The following ARAP1 variants were observed in gnomAD, a reference collection of about 807,000 sequenced individuals.
ARAP1 encodes arf-GAP with Rho-GAP domain, ANK repeat and PH domain-containing protein 1.
Under a neutral mutation model 172.2 loss-of-function variants are expected in ARAP1, and 76 were observed. The observed-to-expected ratio is 0.44, with a 90% CI of 0.37 to 0.53. The LOEUF (loss-of-function observed/expected upper bound fraction) is 0.53, where lower values mean the gene tolerates loss of function less well. Ranked by LOEUF, ARAP1 falls within the 20% of genes least tolerant of loss-of-function variation. ARAP1 has a pLI of 0.00. For synonymous variants in ARAP1, 804 were observed against 803.3 expected, an observed-to-expected ratio of 1.00 and a Z score of -0.01; for missense variants, 1,686 against 1,977.5, an observed-to-expected ratio of 0.85 and a Z score of 2.80.
In ARAP1 at chr11:72,697,062, C is replaced by T. The variant is rs1239812666; in HGVS notation, c.3087G>A (p.Ser1029=). Residue 1029 remains serine (S), a synonymous_variant, in exon 22 of 35, where the codon TCG becomes TCA. Coordinates refer to ENST00000393609, the MANE Select transcript of ARAP1 (RefSeq NM_001040118.3). The part of the protein sequence containing the change: ...EGEQHVDDVS[S]ALKRFLRDLP... ...GGTCGCGCAGGAAGCGCTTGAGCGCCGAGGAAACATCATCCACGTGCTGCT... is the reference window on the plus strand; with the variant it reads ...GGTCGCGCAGGAAGCGCTTGAGCGCTGAGGAAACATCATCCACGTGCTGCT... The T allele has an allele frequency of 1.2e-6, 2 of 1,610,192 alleles. No homozygotes were observed. The highest frequency in any genetic ancestry group is 1.3e-5 in the African/African-American group (1 of 74,938).
chr11:72,749,165 C>T (rs1858462023), intron 1 of ARAP1, among the ~76,000 whole-genome samples: 1 of 152,170 alleles, frequency 6.6e-6, no homozygotes, highest in African/African-American at 2.4e-5. Flanking sequence ...CCTCGGTCAC[C>T]ACCCGGGGAA....
In ARAP1 at chr11:72,725,006, T is replaced by C. The variant is rs1439568763; in HGVS notation, c.509+1614A>G. Among the ~76,000 whole-genome samples, 1 of 152,144 alleles carries C rather than the reference T, an allele frequency of 6.6e-6. No individual in the cohort carries two copies. On this transcript the variant is annotated intron_variant, in intron 3 of 34. Coordinates refer to ENST00000393609, the MANE Select transcript of ARAP1 (RefSeq NM_001040118.3). This position sits in a 1 kb window ranked among gnomAD's most constrained non-coding sequence, Gnocchi z 4.3. ...ACCCAGCAAGCCTCCTGAACTCAGA[T>C]GTCAGTGCCAGGAGGGCCCAGAAGT...
chr11:72,722,925 C>T lies in ARAP1; in HGVS notation c.509+3695G>A, dbSNP rs1020144747. Among the ~76,000 whole-genome samples, 6 of 152,278 alleles carry T rather than the reference C, an allele frequency of 3.9e-5. No homozygotes were observed. The East Asian group carries it at 1.2e-3, about 29-fold the overall frequency. Reference sequence around the variant, plus strand: ...GAAGCCAGGAGGCAGGGTCTGGGCACCGGCTTCCCTTCTGCAGGGCTGGGT... The same window carrying T: ...GAAGCCAGGAGGCAGGGTCTGGGCATCGGCTTCCCTTCTGCAGGGCTGGGT... On this transcript the variant is annotated intron_variant, in intron 3 of 34. Coordinates refer to ENST00000393609, the MANE Select transcript of ARAP1 (RefSeq NM_001040118.3).
chr11:72,712,963 G>T, intron 5 of ARAP1: 1 of 616,322 alleles, frequency 1.6e-6, no homozygotes, highest in Non-Finnish European at 2.9e-6. Flanking sequence ...GCCAGGGCCT[G>T]GGGGAGCCAC....
intron 8 of ARAP1, 119 bp from the exon 9 acceptor site, chr11:72,711,260 C>T: frequency 2.0e-6 from 3 of 1,504,534 alleles, no homozygotes; most frequent in Non-Finnish European, 2.7e-6. Context: ...AGACCCTGTG[C>T]TGACCCTGAC....
At chr11:72,721,897 G>A (rs1310890648) in intron 3 of ARAP1, 1 of 985,838 alleles carries the variant, frequency 1.0e-6, no homozygotes, top group Non-Finnish European at 1.2e-6. Flanking sequence ...CACAGCTCCG[G>A]CCAGGCGGGC....
chr11:72,746,190 C>A (rs1015373841), intron 1 of ARAP1, among the ~76,000 whole-genome samples: 1 of 152,080 alleles, frequency 6.6e-6, no homozygotes, highest in East Asian at 1.9e-4. Context: ...CGGGAACAGC[C>A]CCACTACAAC....
At position 72,702,794 on chromosome 11, in the gene ARAP1, A is replaced by T. The variant is rs115640987; in HGVS notation, c.2167+111T>A. On this transcript the variant is annotated intron_variant, in intron 15 of 34. Transcript: ENST00000393609. ...CCAAGCACACCCCAGCTCACACATG[A>T]TTTATCACAGGCCCTTGAGGAGCTG... The T allele has an allele frequency of 2.3e-3, 3,123 of 1,363,034 alleles. 50 individuals are homozygous for T. The African/African-American group carries it at 0.039, about 17-fold the overall frequency. 84.4% of individuals were successfully genotyped at this position (1,363,034 alleles called of 1,614,324 possible).
intron 3 of ARAP1, among the ~76,000 whole-genome samples, chr11:72,715,969 G>A (rs974461481): frequency 1.1e-4 from 16 of 149,714 alleles, no homozygotes; most frequent in Admixed American, 7.2e-4. Context: ...TCAGGAGATC[G>A]AGACCATCCT....
chr11:72,687,781 T>C (rs372286747), intron 31 of ARAP1, 43 bp from the exon 32 acceptor site: 10 of 1,610,426 alleles, frequency 6.2e-6, no homozygotes, highest in African/African-American at 5.3e-5. Context: ...TGACAGGCCA[T>C]AGAGGCTCAA....
rs1268307819 is a variant in ARAP1 at position 72,712,446 on chromosome 11, G to A, written c.870C>T (p.Gly290=). Residue 290 remains glycine, a synonymous_variant, in exon 6 of 35, where the codon GGC becomes GGT. Coordinates refer to ENST00000393609, the MANE Select transcript of ARAP1 (RefSeq NM_001040118.3). ...GGTGGCCGGACACTCACTTGGGGAC[G>A]CCCTCATAGGCGTGGTCATCCTCTT... ...DEEEDDHAYE[G]VPNGGWHTSS... is the part of the protein sequence containing the mutation. 8 of 1,580,344 alleles carry A rather than the reference G, an allele frequency of 5.1e-6. No homozygotes were observed. The highest frequency in any genetic ancestry group is 1.7e-5 in the Admixed American group (1 of 58,102).
At position 72,744,972 on chromosome 11, in the gene ARAP1, G is replaced by T. The variant is rs547303967; in HGVS notation, c.-128+7356C>A. On this transcript the variant is annotated intron_variant, in intron 1 of 34. Coordinates refer to ENST00000393609, the MANE Select transcript of ARAP1 (RefSeq NM_001040118.3). ...GCAGCCCCAGGCAGAGCAGGGGAGG[G>T]AAGCCTTTAGCCAAGGCTCTGGTGC... Among the ~76,000 whole-genome samples, 211 of 152,280 alleles carry T rather than the reference G, an allele frequency of 1.4e-3. 2 individuals carry two copies. The highest frequency in any genetic ancestry group is 4.8e-3 in the African/African-American group (201 of 41,552).
Position 72,726,138 on chromosome 11 carries a change from G to A in ARAP1, c.509+482C>T, listed in dbSNP as rs1857681893. 6.6e-6 allele frequency among the ~76,000 whole-genome samples: 1 copy of A among 152,090 alleles called. No individual in the cohort carries two copies. The highest frequency in any genetic ancestry group is 1.5e-5 in the Non-Finnish European group (1 of 68,006). ...TTGCTGACATTTGGCAGTGGGAGAAGGGGACAGGGTGTGAAAGAGCACACC... is the reference window on the plus strand; with the variant it reads ...TTGCTGACATTTGGCAGTGGGAGAAAGGGACAGGGTGTGAAAGAGCACACC... On this transcript the variant is annotated intron_variant, in intron 3 of 34. Coordinates refer to ENST00000393609, the MANE Select transcript of ARAP1 (RefSeq NM_001040118.3). This position sits in a 1 kb window ranked among gnomAD's most constrained non-coding sequence, Gnocchi z 6.5.
intron 3 of ARAP1, among the ~76,000 whole-genome samples, chr11:72,719,194 G>A (rs1357858998): frequency 1.3e-5 from 2 of 152,180 alleles, no homozygotes; most frequent in Non-Finnish European, 2.9e-5. Context: ...CCTCCCATGG[G>A]CCACCAGGTC....
chr11:72,693,125 G>C lies in ARAP1; in HGVS notation c.3954+200C>G, dbSNP rs11235568. Reference sequence around the variant, plus strand: ...GATGGCATCCGGGTGCCAGGGCTTAGTGGGGCTACAGGGCACACTAGAGTG... The same window carrying C: ...GATGGCATCCGGGTGCCAGGGCTTACTGGGGCTACAGGGCACACTAGAGTG... On this transcript the variant is annotated intron_variant, in intron 29 of 34. Coordinates refer to ENST00000393609, the MANE Select transcript of ARAP1 (RefSeq NM_001040118.3). This position sits in a 1 kb window ranked among gnomAD's most constrained non-coding sequence, Gnocchi z 4.6. 2.5e-6 allele frequency: 2 copies of C among 799,702 alleles called. No homozygotes were observed. Among genetic ancestry groups the C allele is most frequent in the Non-Finnish European group, 3.9e-6 (2 of 517,116 alleles). 49.5% of individuals were successfully genotyped at this position (799,702 alleles called of 1,614,324 possible).
intron 3 of ARAP1, among the ~76,000 whole-genome samples, chr11:72,715,624 G>A (rs566771013): frequency 6.9e-4 from 102 of 148,268 alleles, no homozygotes; most frequent in Middle Eastern, 3.4e-3. Context: ...AGACTGGAGT[G>A]CAATGGCACA....
chr11:72,695,688 C>A lies in ARAP1; in HGVS notation c.3420+30G>T, dbSNP rs1216548952. ...CCGTCATCTGCAAGGATCACCCCTG[C>A]CCTCCACTGCCCACTGGCCAGGGAC... On this transcript the variant is annotated intron_variant, in intron 24 of 34. Transcript: ENST00000393609. This position sits in a 1 kb window ranked among gnomAD's most constrained non-coding sequence, Gnocchi z 4.4. The A allele has an allele frequency of 6.2e-7, 1 of 1,614,054 alleles. No individual in the cohort carries two copies. The highest frequency in any genetic ancestry group is 8.5e-7 in the Non-Finnish European group (1 of 1,179,952).
intron 16 of ARAP1, 123 bp downstream of exon 16, chr11:72,701,526 T>C: frequency 5.2e-6 from 7 of 1,354,662 alleles, no homozygotes; most frequent in Non-Finnish European, 7.0e-6. Flanking sequence ...CCACAGACTA[T>C]ATCCAGGAAG....
At chr11:72,744,840 C>T (rs7129793) in intron 1 of ARAP1, among the ~76,000 whole-genome samples, 17,614 of 152,164 alleles carry the variant, frequency 0.12, 1,364 homozygotes, top group South Asian at 0.18. Context: ...GGTTCATGTC[C>T]GTGGAACAGA....
Sources: gnomAD v4.1 joint callset for allele counts (sites outside exome capture counted in the v4.1 genomes callset) on GRCh38, gnomAD v4.1.1 for gene constraint, Gnocchi (gnomAD v3.1) non-coding constraint, MANE v1.5 for transcripts, NCBI Gene and HGNC (gene_info 2026-07-23, HGNC 2026-07-21) for gene names.